The following KCNAB1 variants were observed in gnomAD, a reference collection of about 807,000 sequenced individuals.
KCNAB1 encodes voltage-gated potassium channel subunit beta-1.
Under a neutral mutation model 64.6 loss-of-function variants are expected in KCNAB1, and 35 were observed. That is an observed-to-expected ratio of 0.54 (90% confidence interval 0.41 to 0.72). The LOEUF is 0.72. Among genes scored for constraint, KCNAB1 ranks in the 30% least tolerant of loss-of-function variants. The probability of loss-of-function intolerance (pLI) is 0.00; values close to 1 mark genes in which losing one functional copy is unlikely to be tolerated. For synonymous variants in KCNAB1, 177 were observed against 183.8 expected (o/e 0.96, Z 0.30); for missense variants, 401 against 512.9 (o/e 0.78, Z 2.11).
At chr3:156,151,228 C>G (rs1283176240) in intron 1 of KCNAB1, among the ~76,000 whole-genome samples, 2 of 152,192 alleles carry the variant, frequency 1.3e-5, no homozygotes, top group Non-Finnish European at 2.9e-5. Flanking sequence ...TGGCCCTCCT[C>G]TGTACCCACT....
chr3:156,204,333 G>A (rs1714521528), intron 1 of KCNAB1, among the ~76,000 whole-genome samples: 1 of 152,136 alleles, frequency 6.6e-6, no homozygotes, highest in Admixed American at 6.5e-5. Flanking sequence ...GTAGAGGTTT[G>A]GCTCAGGGTC....
chr3:156,276,823 C>G (rs372530740), intron 1 of KCNAB1, among the ~76,000 whole-genome samples: 5 of 152,064 alleles, frequency 3.3e-5, no homozygotes, highest in African/African-American at 9.7e-5. Context: ...CTATCCAAAC[C>G]GCTAAAACTT....
At chr3:156,121,074 T>C (rs1713314155) in intron 1 of KCNAB1, among the ~76,000 whole-genome samples, 188 bp downstream of exon 1, 1 of 152,218 alleles carries the variant, frequency 6.6e-6, no homozygotes, top group South Asian at 2.1e-4. Context: ...TAATGTTCCC[T>C]GCATTGTTAT....
chr3:156,152,505 A>G (rs529572399), intron 1 of KCNAB1, among the ~76,000 whole-genome samples: 3 of 152,322 alleles, frequency 2.0e-5, no homozygotes, highest in Admixed American at 6.5e-5. Flanking sequence ...GCTTTCAGAA[A>G]GATGCAGGTT....
chr3:156,292,102 C>T (rs1360722331), intron 1 of KCNAB1: 6 of 1,613,852 alleles, frequency 3.7e-6, no homozygotes, highest in Admixed American at 3.3e-5. Flanking sequence ...AAGAGTCCAC[C>T]GCAAAGCAGA....
chr3:156,357,159 GCACACACACACACA>G (rs112441885), intron 1 of KCNAB1, among the ~76,000 whole-genome samples: 2 of 147,314 alleles, frequency 1.4e-5, no homozygotes, highest in Non-Finnish European at 3.0e-5. Context: ...ACATGTGCGC[GCACACACACACACA>G]CACACACACA....
intron 1 of KCNAB1, among the ~76,000 whole-genome samples, chr3:156,416,992 C>T (rs1392624305): frequency 1.3e-5 from 2 of 152,164 alleles, no homozygotes; most frequent in East Asian, 3.8e-4. Context: ...AATGTCTGTC[C>T]TCAAAATGCC....
At chr3:156,450,620 T>C (rs1047107189) in intron 2 of KCNAB1, among the ~76,000 whole-genome samples, 1 of 152,224 alleles carries the variant, frequency 6.6e-6, no homozygotes, top group Non-Finnish European at 1.5e-5. Flanking sequence ...ATAAACTGTG[T>C]TGTCTGTAAA....
At chr3:156,400,226 G>A (rs191427690) in intron 1 of KCNAB1, among the ~76,000 whole-genome samples, 45 of 152,284 alleles carry the variant, frequency 3.0e-4, no homozygotes, top group African/African-American at 7.9e-4. Context: ...GGGTATTTCC[G>A]GGAGTGGTAT....
intron 1 of KCNAB1, among the ~76,000 whole-genome samples, chr3:156,336,006 G>A (rs1723682322): frequency 6.6e-6 from 1 of 152,018 alleles, no homozygotes; most frequent in Non-Finnish European, 1.5e-5. Flanking sequence ...AGAAACATTG[G>A]TTACAATTCT....
chr3:156,186,993 A>T (rs747455250), intron 1 of KCNAB1, among the ~76,000 whole-genome samples: 5 of 152,074 alleles, frequency 3.3e-5, no homozygotes, highest in Non-Finnish European at 7.4e-5. Context: ...CTGGGACCAC[A>T]GGTGTGCACC....
chr3:156,143,144 G>A (rs745689973), intron 1 of KCNAB1: 48 of 1,552,276 alleles, frequency 3.1e-5, no homozygotes, highest in Middle Eastern at 1.7e-4. Context: ...GTTAAGCACC[G>A]TGCAATTAGC....
At chr3:156,443,932 C>G (rs1230910163) in intron 2 of KCNAB1, among the ~76,000 whole-genome samples, 1 of 152,192 alleles carries the variant, frequency 6.6e-6, no homozygotes, top group Non-Finnish European at 1.5e-5. Flanking sequence ...CATCCCACCC[C>G]TCAGCCCCCT....
chr3:156,133,005 T>C (rs551016675), intron 1 of KCNAB1, among the ~76,000 whole-genome samples: 1 of 152,352 alleles, frequency 6.6e-6, no homozygotes, highest in East Asian at 1.9e-4. Flanking sequence ...CAAGAGACTT[T>C]TTATTACAAA....
chr3:156,264,133 C>T (rs1396263507), intron 1 of KCNAB1, among the ~76,000 whole-genome samples: 1 of 152,084 alleles, frequency 6.6e-6, no homozygotes, highest in East Asian at 1.9e-4. Flanking sequence ...TACTAATGTA[C>T]TGGCAGTTCT....
In KCNAB1 at chr3:156,510,276, T is replaced by G. The variant is rs149260034; in HGVS notation, c.659-4088T>G. On this transcript the variant is annotated intron_variant, in intron 8 of 13. Transcript: ENST00000490337. ...ACACATCTCATGCCTCCTTTTACACTTGGTTCACAGTTTATTGAGACTAGA... is the reference window on the plus strand; with the variant it reads ...ACACATCTCATGCCTCCTTTTACACGTGGTTCACAGTTTATTGAGACTAGA... Among the ~76,000 whole-genome samples, 59 of 152,314 alleles carry G rather than the reference T, an allele frequency of 3.9e-4. No individual in the cohort carries two copies. The East Asian group carries it at 9.7e-3, about 25-fold the overall frequency.
At chr3:156,185,858 T>C (rs1184389295) in intron 1 of KCNAB1, among the ~76,000 whole-genome samples, 1 of 152,208 alleles carries the variant, frequency 6.6e-6, no homozygotes, top group Non-Finnish European at 1.5e-5. Context: ...TAATTCAAGA[T>C]TGTCAATATG....
intron 8 of KCNAB1, among the ~76,000 whole-genome samples, chr3:156,500,525 TA>T (rs933853105): frequency 3.3e-5 from 5 of 152,066 alleles, no homozygotes; most frequent in African/African-American, 1.2e-4. Context: ...AATTGCAAAA[TA>T]AAAAAACTAA....
At chr3:156,231,671 C>A (rs1349092700) in intron 1 of KCNAB1, among the ~76,000 whole-genome samples, 2 of 151,856 alleles carry the variant, frequency 1.3e-5, no homozygotes, top group East Asian at 1.9e-4. Flanking sequence ...TAAGCAATTC[C>A]TCTGCACAAT....
Sources: gnomAD v4.1 joint callset for allele counts (sites outside exome capture counted in the v4.1 genomes callset) on GRCh38, gnomAD v4.1.1 for gene constraint, MANE v1.5 for transcripts, NCBI Gene and HGNC (gene_info 2026-07-23, HGNC 2026-07-21) for gene names.